FAM168A: variants seen among roughly 807,000 people sequenced by gnomAD.
The protein encoded by FAM168A is protein FAM168A.
A neutral mutation model predicts 28.5 loss-of-function variants in FAM168A; 3 were observed. That is an observed-to-expected ratio of 0.11 (90% CI 0.05 to 0.27). The LOEUF is 0.27. FAM168A is among the 10% of genes least tolerant of loss of function. The pLI, the probability that FAM168A is intolerant of heterozygous loss-of-function variation, is 1.00. For missense variants in FAM168A, 222 were observed against 311.5 expected, an observed-to-expected ratio of 0.71 and a Z score of 2.16; for synonymous variants, 122 against 124.2, an observed-to-expected ratio of 0.98 and a Z score of 0.12.
chr11:73,574,516 T>G (rs894838120), intron 1 of FAM168A, among the ~76,000 whole-genome samples: 1 of 152,172 alleles, frequency 6.6e-6, no homozygotes, highest in East Asian at 1.9e-4. Context: ...TCAGCTCTAT[T>G]AGTTTAACAG....
At chr11:73,502,857 A>C (rs1241168881) in intron 1 of FAM168A, among the ~76,000 whole-genome samples, 2 of 152,246 alleles carry the variant, frequency 1.3e-5, no homozygotes, top group African/African-American at 4.8e-5. Flanking sequence ...TATGCAAATC[A>C]ACAAACATAA....
At chr11:73,524,818 C>T (rs530021158) in intron 1 of FAM168A, among the ~76,000 whole-genome samples, 2 of 152,162 alleles carry the variant, frequency 1.3e-5, no homozygotes, top group African/African-American at 2.4e-5. Flanking sequence ...AGGCTGGTCT[C>T]GAACTCCTGG....
chr11:73,545,002 A>AT (rs1943722152), intron 1 of FAM168A, among the ~76,000 whole-genome samples: 1 of 80,786 alleles, frequency 1.2e-5, no homozygotes, highest in African/African-American at 8.0e-5. Context: ...TAGTATATAT[A>AT]ATATACTATA....
intron 2 of FAM168A, among the ~76,000 whole-genome samples, chr11:73,445,419 CTT>C (rs56294455): frequency 3.6e-3 from 181 of 50,414 alleles, no homozygotes; most frequent in African/African-American, 0.011. Flanking sequence ...AAAAATGTCT[CTT>C]TTTTTTTTTT....
intron 1 of FAM168A, among the ~76,000 whole-genome samples, chr11:73,516,594 T>C (rs947553253): frequency 3.9e-5 from 6 of 152,244 alleles, no homozygotes; most frequent in Non-Finnish European, 8.8e-5. Context: ...CTTTTAAATG[T>C]AGAGTCCTTA....
rs34994742 is a variant in FAM168A, at chr11:73,433,076, CTTTTTTTTTTT to C, written c.71-2317_71-2307del. ...ACAGGTGCGTGCCACCACGCCCCGC[CTTTTTTTTTTT>C]TTTTTTTTTTTTTTTTTTGTAGAGA... On this transcript the variant is annotated intron_variant, in intron 2 of 7. Transcript: ENST00000356467. Among the ~76,000 whole-genome samples the C allele has an allele frequency of 2.6e-4, 21 of 80,602 alleles. 1 individual carries two copies. Among genetic ancestry groups the C allele is most frequent in the South Asian group, 7.0e-4 (2 of 2,864 alleles). The allele number at this position is 80,602 out of a possible 152,430, so 52.9% of individuals were successfully genotyped here. A position where few individuals can be genotyped will look rare whatever the true frequency, so the allele number is the denominator to read the frequency against.
intron 2 of FAM168A, among the ~76,000 whole-genome samples, chr11:73,465,056 T>C (rs1565257674): frequency 6.6e-6 from 1 of 151,900 alleles, no homozygotes; most frequent in Admixed American, 6.6e-5. Flanking sequence ...GTGTCCACTA[T>C]GAGCCAGGCA....
chr11:73,495,219 C>T (rs1854847774), intron 1 of FAM168A, among the ~76,000 whole-genome samples: 1 of 151,872 alleles, frequency 6.6e-6, no homozygotes, highest in African/African-American at 2.4e-5. Flanking sequence ...GTCCCAGCTA[C>T]TCGGGAGGCT....
intron 1 of FAM168A, among the ~76,000 whole-genome samples, chr11:73,560,470 G>T (rs549367027): frequency 6.6e-6 from 1 of 152,166 alleles, no homozygotes; most frequent in Non-Finnish European, 1.5e-5. Flanking sequence ...CAATAGCTTT[G>T]TAAGCCTTCA....
At chr11:73,440,031 G>A (rs1334651298) in intron 2 of FAM168A, among the ~76,000 whole-genome samples, 9 of 151,800 alleles carry the variant, frequency 5.9e-5, no homozygotes, top group South Asian at 2.1e-4. Flanking sequence ...GATTACAGGC[G>A]CCTGCCACCG....
rs1866488010 is a variant in FAM168A, at chr11:73,405,433, C to T, written c.*1330G>A. 1 of 152,142 alleles carries T rather than the reference C, an allele frequency of 6.6e-6. No homozygotes were observed. Among genetic ancestry groups the T allele is most frequent in the Non-Finnish European group, 1.5e-5 (1 of 68,032 alleles). The allele number at this position is 152,142 out of a possible 1,614,324, so 9.4% of individuals were successfully genotyped here. ...TTTACAAAACCAAGCCAATCCGTCC[C>T]TAGGTAAATTTTTGTAAGCAAGGTG... On this transcript the variant is annotated 3_prime_UTR_variant, in exon 8 of 8. Coordinates refer to ENST00000356467, the MANE Select transcript of FAM168A (RefSeq NM_015159.3).
At chr11:73,489,067 G>C (rs1343646152) in intron 1 of FAM168A, among the ~76,000 whole-genome samples, 2 of 151,986 alleles carry the variant, frequency 1.3e-5, no homozygotes, top group African/African-American at 2.4e-5. Flanking sequence ...TTTTAGTAGA[G>C]ACAAGCTTTC....
At chr11:73,488,947 G>A (rs747494361) in intron 1 of FAM168A, among the ~76,000 whole-genome samples, 4 of 152,050 alleles carry the variant, frequency 2.6e-5, no homozygotes, top group Admixed American at 2.0e-4. Context: ...GGAGTGCAGT[G>A]GTGCGATCTC....
At chr11:73,430,277 G>GGT (rs35239246) in intron 3 of FAM168A, 11,048 of 174,274 alleles carry the variant, frequency 0.063, 739 homozygotes, top group African/African-American at 0.19. Flanking sequence ...TGTGTCCCAA[G>GGT]GTGTGTGTGT....
intron 3 of FAM168A, among the ~76,000 whole-genome samples, chr11:73,421,071 T>TGGC (rs1866783546): frequency 8.6e-6 from 1 of 116,268 alleles, no homozygotes; most frequent in African/African-American, 3.3e-5. Context: ...AATAAAGTCT[T>TGGC]GGGGGGGGGG....
chr11:73,450,367 T>A (rs1867404207), intron 2 of FAM168A, among the ~76,000 whole-genome samples: 1 of 152,340 alleles, frequency 6.6e-6, no homozygotes, highest in Non-Finnish European at 1.5e-5. Flanking sequence ...TCCAGAGAGC[T>A]TGTAAAAACA....
intron 2 of FAM168A, among the ~76,000 whole-genome samples, chr11:73,465,986 A>AG (rs1424514161): frequency 2.0e-4 from 30 of 152,068 alleles, no homozygotes; most frequent in Non-Finnish European, 3.2e-4. Context: ...AGAGAGAGAG[A>AG]AAGAACACTG....
intron 3 of FAM168A, among the ~76,000 whole-genome samples, chr11:73,427,966 G>A (rs1444044026): frequency 6.6e-6 from 1 of 152,102 alleles, no homozygotes; most frequent in Non-Finnish European, 1.5e-5. Flanking sequence ...GACCTCCCTG[G>A]TTAAGAACCC....
At chr11:73,455,921 C>G (rs1867523708) in intron 2 of FAM168A, among the ~76,000 whole-genome samples, 1 of 152,186 alleles carries the variant, frequency 6.6e-6, no homozygotes, top group Non-Finnish European at 1.5e-5. Context: ...AATAAGGAAA[C>G]AGCTAAAATA....
Sources: gnomAD v4.1 joint callset for allele counts (sites outside exome capture counted in the v4.1 genomes callset) on GRCh38, gnomAD v4.1.1 for gene constraint, MANE v1.5 for transcripts, NCBI Gene and HGNC (gene_info 2026-07-23, HGNC 2026-07-21) for gene names.